C3orf33: variants seen among roughly 807,000 people sequenced by gnomAD.
The protein encoded by C3orf33 is mitochondrial inner membrane subdomain organizer 1.
Under a neutral mutation model 28.7 loss-of-function variants are expected in C3orf33, and 23 were observed. That is an observed-to-expected ratio of 0.80 (90% CI 0.58 to 1.13). The LOEUF (loss-of-function observed/expected upper bound fraction) is 1.13, where lower values mean the gene tolerates loss of function less well. Among genes scored for constraint, C3orf33 ranks in the 50% most tolerant of loss-of-function variants. C3orf33 has a pLI of 0.00. For missense variants in C3orf33, 327 were observed against 353.4 expected, an observed-to-expected ratio of 0.93 and a Z score of 0.60; for synonymous variants, 119 against 120.5, an observed-to-expected ratio of 0.99 and a Z score of 0.08.
chr3:155,804,074 G>C (rs541238580), intron 1 of C3orf33: 30 of 299,810 alleles, frequency 1.0e-4, no homozygotes, highest in African/African-American at 7.0e-4. Flanking sequence ...TACTCAGGAG[G>C]GTGAGGCAGG....
intron 1 of C3orf33, chr3:155,805,829 G>A: frequency 2.0e-6 from 1 of 502,488 alleles, no homozygotes; most frequent in Non-Finnish European, 3.7e-6. Flanking sequence ...CTCCCCAAAT[G>A]CTCTAATGGA....
chr3:155,784,025 G>A (rs1476636248), intron 2 of C3orf33, among the ~76,000 whole-genome samples: 5 of 150,614 alleles, frequency 3.3e-5, no homozygotes, highest in East Asian at 2.0e-4. Context: ...TCCGCCTCCC[G>A]GGTTCAACCG....
At chr3:155,771,470 C>G (rs902321801) in intron 3 of C3orf33, among the ~76,000 whole-genome samples, 9 of 152,018 alleles carry the variant, frequency 5.9e-5, no homozygotes, top group African/African-American at 2.2e-4. Context: ...TTTGTAGAGA[C>G]AGGGTTTCAC....
At chr3:155,779,651 C>CA (rs113481391) in intron 2 of C3orf33, among the ~76,000 whole-genome samples, 1,472 of 144,552 alleles carry the variant, frequency 0.01, 1 homozygote, top group Middle Eastern at 0.038. Flanking sequence ...AGAAGAAGGG[C>CA]AAAAAAAAAA....
intron 2 of C3orf33, among the ~76,000 whole-genome samples, chr3:155,790,112 C>T (rs1241120119): frequency 1.5e-5 from 2 of 134,350 alleles, no homozygotes; most frequent in East Asian, 2.2e-4. Context: ...TGCAGTGAGC[C>T]GAGATCATAC....
chr3:155,789,604 A>T (rs1751249674), intron 2 of C3orf33, among the ~76,000 whole-genome samples: 1 of 152,116 alleles, frequency 6.6e-6, no homozygotes, highest in Admixed American at 6.5e-5. Context: ...TTTTTTCAGA[A>T]ATAGGAAAAT....
chr3:155,764,343 A>C (rs986266548), intron 4 of C3orf33, among the ~76,000 whole-genome samples: 37 of 152,142 alleles, frequency 2.4e-4, no homozygotes, highest in African/African-American at 8.9e-4. Flanking sequence ...AATGAACTGA[A>C]TCATCACTGA....
At chr3:155,776,507 G>T (rs1750752618) in intron 2 of C3orf33, among the ~76,000 whole-genome samples, 1 of 152,070 alleles carries the variant, frequency 6.6e-6, no homozygotes, top group Non-Finnish European at 1.5e-5. Flanking sequence ...GGAAAAGCCA[G>T]GCACGATGGC....
rs192487946 is a variant in C3orf33, at chr3:155,776,865, C to T, written c.175-1017G>A. Among the ~76,000 whole-genome samples the T allele has an allele frequency of 1.9e-3, 281 of 149,526 alleles. 1 individual carries two copies. Among genetic ancestry groups the T allele is most frequent in the Non-Finnish European group, 3.2e-3 (215 of 67,630 alleles). ...AACCAAGAATAGTGTAGGAGACAAACCCAGAATGTGGAATATACTATAGAA... is the reference window on the plus strand; with the variant it reads ...AACCAAGAATAGTGTAGGAGACAAATCCAGAATGTGGAATATACTATAGAA... On this transcript the variant is annotated intron_variant, in intron 2 of 4. Transcript: ENST00000340171.
chr3:155,795,674 G>A (rs1385988202), intron 2 of C3orf33, among the ~76,000 whole-genome samples: 1 of 151,830 alleles, frequency 6.6e-6, no homozygotes, highest in Non-Finnish European at 1.5e-5. Context: ...TGGTAATGAA[G>A]GCTGGGAGCG....
chr3:155,804,153 G>A (rs1577442869), intron 1 of C3orf33: 1 of 416,878 alleles, frequency 2.4e-6, no homozygotes. Context: ...TCCAGCCTGG[G>A]GGACAAGTGC....
chr3:155,775,084 G>C (rs527985664), intron 3 of C3orf33, among the ~76,000 whole-genome samples: 1 of 152,128 alleles, frequency 6.6e-6, no homozygotes, highest in South Asian at 2.1e-4. Context: ...TAAGCTTCAA[G>C]GGTTAAAAGA....
rs577679482 is a variant in C3orf33 at position 155,767,959 on chromosome 3, A to C, written c.323-290T>G. 3.9e-5 allele frequency among the ~76,000 whole-genome samples: 6 copies of C among 152,194 alleles called. No homozygotes were observed. In the South Asian group the frequency reaches 1.0e-3, roughly 26 times the overall value. ...CAGTGGCGCAATCTCAGTTCACTGCAATCTCTGCCTCCCAGGTTCAAGCGA... is the reference window on the plus strand; with the variant it reads ...CAGTGGCGCAATCTCAGTTCACTGCCATCTCTGCCTCCCAGGTTCAAGCGA... On this transcript the variant is annotated intron_variant, in intron 3 of 4. Transcript: ENST00000340171.
intron 3 of C3orf33, among the ~76,000 whole-genome samples, chr3:155,772,446 T>C (rs1750619440): frequency 6.6e-6 from 1 of 152,120 alleles, no homozygotes; most frequent in Non-Finnish European, 1.5e-5. Flanking sequence ...TAGGATATAA[T>C]ACAAAAACTG....
chr3:155,776,468 T>C (rs529498531), intron 2 of C3orf33, among the ~76,000 whole-genome samples: 58 of 152,164 alleles, frequency 3.8e-4, no homozygotes, highest in Non-Finnish European at 7.6e-4. Context: ...TTCATAATTA[T>C]GGCTAGTTAA....
At chr3:155,798,830 G>C (rs1751557147) in intron 2 of C3orf33, among the ~76,000 whole-genome samples, 1 of 152,046 alleles carries the variant, frequency 6.6e-6, no homozygotes. Flanking sequence ...AAAGTGAAGA[G>C]ACAACCCACA....
chr3:155,787,008 G>A (rs1397878381), intron 2 of C3orf33, among the ~76,000 whole-genome samples: 1 of 152,106 alleles, frequency 6.6e-6, no homozygotes, highest in African/African-American at 2.4e-5. Context: ...TTTAAAAGGG[G>A]ACTAACACCA....
At chr3:155,782,866 A>G (rs541121985) in intron 2 of C3orf33, among the ~76,000 whole-genome samples, 6 of 152,342 alleles carry the variant, frequency 3.9e-5, no homozygotes, top group African/African-American at 1.4e-4. Flanking sequence ...TATTGTAACA[A>G]CAGTTTGTAA....
chr3:155,805,462 A>G, intron 1 of C3orf33: 1 of 367,976 alleles, frequency 2.7e-6, no homozygotes, highest in Non-Finnish European at 5.5e-6. Context: ...CCTGTCTCAA[A>G]AAAAAGAAAT....
Sources: allele counts gnomAD v4.1 joint callset (sites outside exome capture counted in the v4.1 genomes callset), GRCh38; gene constraint gnomAD v4.1.1; transcripts MANE v1.5; gene names NCBI Gene and HGNC (gene_info 2026-07-23, HGNC 2026-07-21).